Variants in PIAS4 observed in about 807,000 individuals in gnomAD.
PIAS4 encodes E3 SUMO-protein ligase PIAS4.
Under a neutral mutation model 58.0 loss-of-function variants are expected in PIAS4, and 7 were observed. That is an observed-to-expected ratio of 0.12 (90% CI 0.07 to 0.23). The LOEUF (loss-of-function observed/expected upper bound fraction) is 0.23. PIAS4 is among the 10% of genes least tolerant of loss of function. The pLI, the probability that PIAS4 is intolerant of heterozygous loss-of-function variation, is 1.00. For synonymous variants in PIAS4, 364 were observed against 312.4 expected (o/e 1.17, Z -1.74); for missense variants, 550 against 709.5 (o/e 0.78, Z 2.55).
chr19:4,033,200 G>A lies in PIAS4; in HGVS notation c.981+27G>A, dbSNP rs368904619. The A allele has an allele frequency of 5.0e-6, 8 of 1,593,552 alleles. No individual in the cohort carries two copies. The South Asian group carries it at 6.6e-5, about 13-fold the overall frequency. On this transcript the variant is annotated intron_variant, in intron 8 of 10. Transcript: ENST00000262971. ...TGAGTCGGGGCGCGGTCCCCTCCTCGAGGCCTCTCCTGCGGCCGGCCTTCC... is the reference window on the plus strand; with the variant it reads ...TGAGTCGGGGCGCGGTCCCCTCCTCAAGGCCTCTCCTGCGGCCGGCCTTCC...
At chr19:4,018,887 G>A (rs1044307120) in intron 2 of PIAS4, among the ~76,000 whole-genome samples, 3 of 152,246 alleles carry the variant, frequency 2.0e-5, no homozygotes, top group African/African-American at 7.2e-5. Context: ...TGGCAGGTGC[G>A]GAGGCCCTGA....
chr19:4,028,291 A>G (rs1363906523), intron 4 of PIAS4, 104 bp downstream of exon 4: 4 of 972,218 alleles, frequency 4.1e-6, no homozygotes, highest in African/African-American at 1.8e-5. Flanking sequence ...CCCTGCTAAC[A>G]GCAGAGCCCA....
chr19:4,037,364 C>T lies in PIAS4; in HGVS notation c.1143-10C>T, dbSNP rs751840700. ...TCCAGCCCCGGCGTCAGCTGTCCGC[C>T]TCGCCCCAGGCTCCTCTCGAAGATC... On this transcript the variant is annotated splice_polypyrimidine_tract_variant and intron_variant, in intron 9 of 10. Coordinates refer to ENST00000262971, the MANE Select transcript of PIAS4 (RefSeq NM_015897.4). This position sits in a 1 kb window ranked among gnomAD's most constrained non-coding sequence, Gnocchi z 5.8. The T allele has an allele frequency of 5.6e-6, 9 of 1,597,028 alleles. No homozygotes were observed. The highest frequency in any genetic ancestry group is 7.7e-6 in the Non-Finnish European group (9 of 1,169,016).
chr19:4,030,930 G>A (rs1195214527), intron 7 of PIAS4, among the ~76,000 whole-genome samples: 1 of 152,158 alleles, frequency 6.6e-6, no homozygotes. Context: ...AGGCAGGTGG[G>A]TGAGGACTGG....
intron 2 of PIAS4, among the ~76,000 whole-genome samples, chr19:4,020,167 C>T (rs1324362752): frequency 6.6e-6 from 1 of 152,166 alleles, no homozygotes; most frequent in East Asian, 1.9e-4. Context: ...CCGACTGCCT[C>T]GGCCTCCCAA....
At chr19:4,010,083 G>A (rs1014215278) in intron 1 of PIAS4, among the ~76,000 whole-genome samples, 5 of 152,202 alleles carry the variant, frequency 3.3e-5, no homozygotes, top group African/African-American at 7.2e-5. Context: ...GGAAGCTGCC[G>A]GGGCCTGGCA....
chr19:4,025,407 G>A (rs1207283776), intron 3 of PIAS4, among the ~76,000 whole-genome samples: 1 of 152,248 alleles, frequency 6.6e-6, no homozygotes, highest in East Asian at 1.9e-4. Context: ...TGCTGGGCAG[G>A]CTAATGGTAG....
At chr19:4,036,651 TACAC>T (rs1228474295) in intron 9 of PIAS4, among the ~76,000 whole-genome samples, 4 of 95,298 alleles carry the variant, frequency 4.2e-5, no homozygotes, top group South Asian at 6.4e-4. Flanking sequence ...CACACTGTCA[TACAC>T]ACACATCTAT....
chr19:4,024,924 C>G (rs1321377994), intron 3 of PIAS4, among the ~76,000 whole-genome samples: 1 of 152,148 alleles, frequency 6.6e-6, no homozygotes, highest in African/African-American at 2.4e-5. Flanking sequence ...CACTACCACG[C>G]CCGGCTAATC....
At chr19:4,021,619 G>A (rs1442682710) in intron 2 of PIAS4, among the ~76,000 whole-genome samples, 2 of 152,086 alleles carry the variant, frequency 1.3e-5, no homozygotes, top group East Asian at 3.8e-4. Flanking sequence ...AGTTATGCTG[G>A]CCTTGTAAAA....
intron 9 of PIAS4, among the ~76,000 whole-genome samples, chr19:4,036,965 GCACACA>G (rs370127664): frequency 2.0e-5 from 3 of 152,112 alleles, no homozygotes; most frequent in Admixed American, 2.0e-4. Flanking sequence ...ATGCACACGT[GCACACA>G]CACGCACATG....
intron 2 of PIAS4, among the ~76,000 whole-genome samples, chr19:4,014,972 C>T (rs750125975): frequency 7.2e-5 from 11 of 152,182 alleles, no homozygotes; most frequent in Non-Finnish European, 1.3e-4. Context: ...GCAGCCGAGG[C>T]TCCTCCCTCC....
intron 1 of PIAS4, among the ~76,000 whole-genome samples, chr19:4,008,586 C>T (rs1470285009): frequency 6.6e-6 from 1 of 152,098 alleles, no homozygotes; most frequent in Non-Finnish European, 1.5e-5. Context: ...CTTTATTCTC[C>T]TTTTTTTAAT....
chr19:4,038,140 A>C lies in PIAS4; in HGVS notation c.*265A>C. 149 of 368,718 alleles carry C rather than the reference A, an allele frequency of 4.0e-4. No homozygotes were observed. The highest frequency in any genetic ancestry group is 2.4e-3 in the Middle Eastern group (3 of 1,226). The allele number at this position is 368,718 out of a possible 1,614,324, so 22.8% of individuals were successfully genotyped here. A position where few individuals can be genotyped will look rare whatever the true frequency, so the allele number is the denominator to read the frequency against. ...CTTAAAAACAAGGCCGGCCACCCAC[A>C]CAGCCGCCTCCCCGGCTGGAGTCCG... is the stretch of plus-strand genomic sequence containing the variant. On this transcript the variant is annotated 3_prime_UTR_variant, in exon 11 of 11. Coordinates refer to ENST00000262971, the MANE Select transcript of PIAS4 (RefSeq NM_015897.4). The surrounding 1 kb of genome is among the most constrained non-coding windows in gnomAD (Gnocchi z 4.1).
chr19:4,015,308 T>C (rs1006082861), intron 2 of PIAS4, among the ~76,000 whole-genome samples: 1 of 151,966 alleles, frequency 6.6e-6, no homozygotes, highest in Non-Finnish European at 1.5e-5. Context: ...GCTGACCAGC[T>C]TCCTTCCTGC....
At chr19:4,018,514 C>G (rs1357999209) in intron 2 of PIAS4, 1 of 152,280 alleles carries the variant, frequency 6.6e-6, no homozygotes, top group African/African-American at 2.4e-5. Context: ...CACCTCACCC[C>G]AGAACCGGCT....
At chr19:4,030,205 C>T (rs892624810) in intron 7 of PIAS4, among the ~76,000 whole-genome samples, 1 of 151,794 alleles carries the variant, frequency 6.6e-6, no homozygotes, top group African/African-American at 2.4e-5. Context: ...TCAAGCAGTG[C>T]ACCTGCCTCA....
intron 2 of PIAS4, among the ~76,000 whole-genome samples, chr19:4,018,134 C>T (rs2144914334): frequency 6.6e-6 from 1 of 152,362 alleles, no homozygotes; most frequent in East Asian, 1.9e-4. Flanking sequence ...TTAAAAACTC[C>T]CTGTGTTTCA....
At chr19:4,026,421 C>T (rs1471146035) in intron 3 of PIAS4, among the ~76,000 whole-genome samples, 3 of 151,454 alleles carry the variant, frequency 2.0e-5, no homozygotes, top group African/African-American at 4.9e-5. Flanking sequence ...CGTGAGCCAC[C>T]CTGCCCATCC....
Sources: gnomAD v4.1 joint callset for allele counts (sites outside exome capture counted in the v4.1 genomes callset) on GRCh38, gnomAD v4.1.1 for gene constraint, Gnocchi (gnomAD v3.1) non-coding constraint, MANE v1.5 for transcripts, NCBI Gene and HGNC (gene_info 2026-07-23, HGNC 2026-07-21) for gene names.